Variants in OSBPL3 observed in about 807,000 individuals in gnomAD.
OSBPL3 encodes the protein oxysterol binding protein like 3, also known as oxysterol-binding protein-related protein 3.
In OSBPL3, 65 loss-of-function variants were observed where a neutral mutation model predicts 120.1. The ratio of observed to expected loss-of-function variants is 0.54; its 90% CI spans 0.44 to 0.67. The LOEUF (loss-of-function observed/expected upper bound fraction) is 0.67, where lower values mean the gene tolerates loss of function less well. OSBPL3 is among the 30% of genes least tolerant of loss of function. OSBPL3 has a pLI of 0.00. For synonymous variants in OSBPL3, 416 were observed against 402.6 expected, an observed-to-expected ratio of 1.03 and a Z score of -0.40; for missense variants, 1,004 against 1,082.1, an observed-to-expected ratio of 0.93 and a Z score of 1.01.
intron 2 of OSBPL3, among the ~76,000 whole-genome samples, chr7:24,878,379 G>A (rs543410276): frequency 7.2e-5 from 11 of 152,252 alleles, no homozygotes; most frequent in East Asian, 3.9e-4. Flanking sequence ...CACTTAATCC[G>A]TTTATCAGTT....
chr7:24,844,283 C>T (rs1798129084), intron 12 of OSBPL3, among the ~76,000 whole-genome samples: 1 of 152,236 alleles, frequency 6.6e-6, no homozygotes, highest in African/African-American at 2.4e-5. Flanking sequence ...GGCCAACCTA[C>T]AGCCCGGGCG....
At chr7:24,825,647 T>A (rs923510902) in intron 16 of OSBPL3, among the ~76,000 whole-genome samples, 1 of 152,248 alleles carries the variant, frequency 6.6e-6, no homozygotes, top group Non-Finnish European at 1.5e-5. Flanking sequence ...GTATCTTTAC[T>A]TATTTAATCA....
At chr7:24,880,672 G>T (rs1197299384) in intron 2 of OSBPL3, among the ~76,000 whole-genome samples, 3 of 152,256 alleles carry the variant, frequency 2.0e-5, no homozygotes, top group Non-Finnish European at 4.4e-5. Context: ...CTTTCATTTA[G>T]AGATGAGGAA....
chr7:24,856,854 G>A (rs1388006053), intron 10 of OSBPL3, among the ~76,000 whole-genome samples: 2 of 152,114 alleles, frequency 1.3e-5, no homozygotes, highest in East Asian at 3.9e-4. Context: ...GTAATCTGCA[G>A]CAGTTTCAAA....
At chr7:24,861,997 C>T (rs1422622833) in intron 9 of OSBPL3, among the ~76,000 whole-genome samples, 1 of 151,784 alleles carries the variant, frequency 6.6e-6, no homozygotes. Context: ...CAGCATTCTC[C>T]TGCCTCAGCC....
At chr7:24,841,819 G>A (rs1241294056) in intron 13 of OSBPL3, among the ~76,000 whole-genome samples, 6 of 151,020 alleles carry the variant, frequency 4.0e-5, no homozygotes, top group Non-Finnish European at 7.4e-5. Context: ...TGAGACCAGC[G>A]TGGCCAACAT....
At chr7:24,860,066 C>T (rs1800314102) in intron 10 of OSBPL3, among the ~76,000 whole-genome samples, 1 of 152,088 alleles carries the variant, frequency 6.6e-6, no homozygotes, top group Non-Finnish European at 1.5e-5. Flanking sequence ...TTAGTATAAT[C>T]TACAGATTTT....
chr7:24,800,453 CTTTTTTTTTTTT>C (rs766653677), intron 22 of OSBPL3, among the ~76,000 whole-genome samples, 174 bp from the exon 23 acceptor site: 14 of 119,512 alleles, frequency 1.2e-4, no homozygotes, highest in African/African-American at 4.3e-4. Context: ...AATTTTGTTA[CTTTTTTTTTTTT>C]TTTTTTTTTG....
Position 24,913,405 on chromosome 7 carries a change from G to T in OSBPL3, c.-149-20784C>A, listed in dbSNP as rs1274333150. Among the ~76,000 whole-genome samples the T allele has an allele frequency of 6.6e-6, 1 of 152,096 alleles. No homozygotes were observed. Among genetic ancestry groups the T allele is most frequent in the Non-Finnish European group, 1.5e-5 (1 of 68,012 alleles). The stretch of plus-strand genomic sequence containing the variant: ...CTTCTCCTGTCCCTCAGGCTAGCAG[G>T]CTCCTGCTACCAGAGCATCCCACTC... On this transcript the variant is annotated intron_variant, in intron 1 of 22. Transcript: ENST00000313367. The surrounding 1 kb of genome is among the most constrained non-coding windows in gnomAD (Gnocchi z 5.3).
chr7:24,811,751 A>G (rs1304753797), intron 19 of OSBPL3, among the ~76,000 whole-genome samples: 1 of 152,202 alleles, frequency 6.6e-6, no homozygotes, highest in African/African-American at 2.4e-5. Flanking sequence ...TTTATTGAAG[A>G]GACTGTCCTT....
chr7:24,876,740 T>C (rs1802903370), intron 2 of OSBPL3, among the ~76,000 whole-genome samples: 1 of 152,308 alleles, frequency 6.6e-6, no homozygotes, highest in Non-Finnish European at 1.5e-5. Context: ...TGGGGTCGGC[T>C]GAAATAATAC....
rs934733222 is a variant in OSBPL3, at chr7:24,947,706, C to T, written c.-150+32180G>A. Among the ~76,000 whole-genome samples, 4 of 151,878 alleles carry T rather than the reference C, an allele frequency of 2.6e-5. No individual in the cohort carries two copies. The South Asian group carries it at 8.3e-4, about 32-fold the overall frequency. On this transcript the variant is annotated intron_variant, in intron 1 of 22. Transcript: ENST00000313367. The surrounding 1 kb of genome is among the most constrained non-coding windows in gnomAD (Gnocchi z 4.4). Reference sequence around the variant, plus strand: ...AAATTTGAACATTAGAAATATGCTACAAACTAAACTATAATCTGAACACAA... The same window carrying T: ...AAATTTGAACATTAGAAATATGCTATAAACTAAACTATAATCTGAACACAA...
chr7:24,833,303 G>A lies in OSBPL3; in HGVS notation c.1746+1183C>T, dbSNP rs1257309871. Among the ~76,000 whole-genome samples, 2 of 152,258 alleles carry A rather than the reference G, an allele frequency of 1.3e-5. No individual in the cohort carries two copies. The highest frequency in any genetic ancestry group is 3.9e-4 in the East Asian group (2 of 5,170). On this transcript the variant is annotated intron_variant, in intron 15 of 22. Coordinates refer to ENST00000313367, the MANE Select transcript of OSBPL3 (RefSeq NM_015550.4). This position sits in a 1 kb window ranked among gnomAD's most constrained non-coding sequence, Gnocchi z 4.4. ...GGGTTGCTTGAGTCTAGGAGTTCGA[G>A]GTTGCAGTGAGGTAGGACTGCACCG... is the stretch of plus-strand genomic sequence containing the variant.
chr7:24,943,078 G>T (rs1390599779), intron 1 of OSBPL3, among the ~76,000 whole-genome samples: 1 of 152,212 alleles, frequency 6.6e-6, no homozygotes, highest in African/African-American at 2.4e-5. Flanking sequence ...TAGAAGAAAT[G>T]CCCAGGTAAA....
At chr7:24,829,967 T>C (rs1796173299) in intron 16 of OSBPL3, among the ~76,000 whole-genome samples, 1 of 152,286 alleles carries the variant, frequency 6.6e-6, no homozygotes, top group Middle Eastern at 3.4e-3. Context: ...CAGTGCCTCA[T>C]TGAATCATCA....
chr7:24,942,908 A>C (rs1281059482), intron 1 of OSBPL3, among the ~76,000 whole-genome samples: 5 of 152,190 alleles, frequency 3.3e-5, no homozygotes, highest in Non-Finnish European at 4.4e-5. Flanking sequence ...CAGATTTCAC[A>C]ACGGTGATTA....
chr7:24,841,551 C>T (rs1797745725), intron 13 of OSBPL3, among the ~76,000 whole-genome samples: 1 of 151,490 alleles, frequency 6.6e-6, no homozygotes, highest in Non-Finnish European at 1.5e-5. Context: ...CAAAAATTGG[C>T]TGGGCATGGG....
rs1410086769 is a variant in OSBPL3, at chr7:24,937,099, T to C, written c.-150+42787A>G. ...GGAAGCCTCAGGAAACTTACAATCATGGCAGAAGGGGAAGCAAACATGTCC... is the reference window on the plus strand; with the variant it reads ...GGAAGCCTCAGGAAACTTACAATCACGGCAGAAGGGGAAGCAAACATGTCC... On this transcript the variant is annotated intron_variant, in intron 1 of 22. Coordinates refer to ENST00000313367, the MANE Select transcript of OSBPL3 (RefSeq NM_015550.4). The surrounding 1 kb of genome is among the most constrained non-coding windows in gnomAD (Gnocchi z 4.0). 1.3e-5 allele frequency among the ~76,000 whole-genome samples: 2 copies of C among 152,174 alleles called. No individual in the cohort carries two copies. Among genetic ancestry groups the C allele is most frequent in the African/African-American group, 2.4e-5 (1 of 41,436 alleles).
At chr7:24,847,850 G>A (rs1798626957) in intron 12 of OSBPL3, among the ~76,000 whole-genome samples, 1 of 152,196 alleles carries the variant, frequency 6.6e-6, no homozygotes, top group African/African-American at 2.4e-5. Flanking sequence ...CAGGCCTAAG[G>A]TCAAGGCGCC....
Sources: gnomAD v4.1 joint callset for allele counts (sites outside exome capture counted in the v4.1 genomes callset) on GRCh38, gnomAD v4.1.1 for gene constraint, Gnocchi (gnomAD v3.1) non-coding constraint, MANE v1.5 for transcripts, NCBI Gene and HGNC (gene_info 2026-07-23, HGNC 2026-07-21) for gene names.